Variants in IRS4 observed in about 807,000 individuals in gnomAD.
The protein encoded by IRS4 is 160 kDa phosphotyrosine protein.
In IRS4, 15 loss-of-function variants were observed where a neutral mutation model predicts 48.6. The ratio of observed to expected loss-of-function variants is 0.31; its 90% CI spans 0.21 to 0.48. The LOEUF is 0.48. Ranked by LOEUF, IRS4 falls within the 20% of genes least tolerant of loss-of-function variation. IRS4 has a pLI of 0.99. For synonymous variants in IRS4, 459 were observed against 413.2 expected, an observed-to-expected ratio of 1.11 and a Z score of -1.34; for missense variants, 987 against 1,023.4, an observed-to-expected ratio of 0.96 and a Z score of 0.49.
chrX:108,721,786 G>T lies in IRS4; in HGVS notation c.*733C>A, dbSNP rs777267202. 2 of 112,015 alleles carry T rather than the reference G, an allele frequency of 1.8e-5. No individual in the cohort carries two copies. The highest frequency in any genetic ancestry group is 5.6e-4 in the East Asian group (2 of 3,540). 9.2% of individuals were successfully genotyped at this position (112,015 alleles called of 1,213,427 possible). On this transcript the variant is annotated 3_prime_UTR_variant, in exon 2 of 2. Transcript: ENST00000372129. ...TTTTCAGGCAGAACATCACAGTGTT[G>T]TATGTGAACAAATAGCTGTTTCTCA...
chrX:108,733,092 GGCGTCTTCTCT>G lies in IRS4; in HGVS notation c.3242_3252del (p.Glu1081AlafsTer72). On this transcript the variant is annotated frameshift_variant, in exon 1 of 2. Coordinates refer to ENST00000372129, the MANE Select transcript of IRS4 (RefSeq NM_001379150.1). LOFTEE classifies it high-confidence loss of function. ...AAGAAACTTTGAGAACGGCTTTGTGGGCGTCTTCTCTCCTGCTCTTCTTCCTGCAGCAGCCT... is the reference window on the plus strand; with the variant it reads ...AAGAAACTTTGAGAACGGCTTTGTGGCCTGCTCTTCTTCCTGCAGCAGCCT... 2 of 1,211,808 alleles carry G rather than the reference GGCGTCTTCTCT, an allele frequency of 1.7e-6. No individual in the cohort carries two copies. Among genetic ancestry groups the G allele is most frequent in the Non-Finnish European group, 2.2e-6 (2 of 895,519 alleles).
rs1167357393 is a variant in IRS4, at chrX:108,735,172, G to T, written c.1173C>A (p.Asp391Glu). 1 of 1,211,150 alleles carries T rather than the reference G, an allele frequency of 8.3e-7. No individual in the cohort carries two copies. Among genetic ancestry groups the T allele is most frequent in the Non-Finnish European group, 1.1e-6 (1 of 895,480 alleles). Residue 391 changes from aspartate (D) to glutamate (E), a missense_variant, in exon 1 of 2, where the codon GAC (aspartate) becomes GAA (glutamate). Around this residue, in one of 4 missense-constraint regions of IRS4, gnomAD observed 74 missense variants for 100.4 expected, o/e 0.74. Transcript: ENST00000372129. Reference protein sequence around the residue: ...CHLRAIGDGEDEMLFTRRFVT... With the variant: ...CHLRAIGDGEEEMLFTRRFVT... ...CGAAGCGCCTGGTGAAAAGCATCTCGTCTTCCCCGTCGCCGATGGCCCTGA... is the reference window on the plus strand; with the variant it reads ...CGAAGCGCCTGGTGAAAAGCATCTCTTCTTCCCCGTCGCCGATGGCCCTGA...
chrX:108,731,698 T>C (rs2068902577), intron 1 of IRS4, among the ~76,000 whole-genome samples: 1 of 111,867 alleles, frequency 8.9e-6, no homozygotes, highest in South Asian at 3.7e-4. Context: ...TTCCTTGATT[T>C]CCCATAAGAT....
At chrX:108,730,233 C>T (rs1343835091) in intron 1 of IRS4, among the ~76,000 whole-genome samples, 1 of 110,617 alleles carries the variant, frequency 9.0e-6, no homozygotes, top group Non-Finnish European at 1.9e-5. Context: ...AACATTCTAC[C>T]ATACAATTTA....
chrX:108,723,857 A>G (rs1196552921), intron 1 of IRS4: 1 of 112,612 alleles, frequency 8.9e-6, no homozygotes. Flanking sequence ...GGAAGAAAGG[A>G]GTCTGTGATA....
At position 108,735,717 on chromosome X, in the gene IRS4, C is replaced by G. The variant is rs761694225; in HGVS notation, c.628G>C (p.Gly210Arg). 10 of 1,175,889 alleles carry G rather than the reference C, an allele frequency of 8.5e-6. No individual in the cohort carries two copies. The highest frequency in any genetic ancestry group is 2.3e-5 in the Admixed American group (1 of 42,990). Residue 210 changes from glycine (G) to arginine (R), a missense_variant, in exon 1 of 2, where the codon GGC becomes CGC. Physicochemically the swap from Gly to Arg is moderately radical, Grantham distance 125. Around this residue, in one of 4 missense-constraint regions of IRS4, gnomAD observed 173 missense variants for 208.9 expected, o/e 0.83. Transcript: ENST00000372129. ...GCCGGCTCTCCGTCCGGCTGCGCGC[C>G]GAGCGTGCCGCAGCGGCGGCGCTTG... ...ESKRRRCGTL[G>R]AQPDGEPAAL... is the part of the protein sequence containing the mutation.
intron 1 of IRS4, among the ~76,000 whole-genome samples, chrX:108,728,754 AT>A (rs1484629469): frequency 8.9e-6 from 1 of 111,999 alleles, no homozygotes; most frequent in Non-Finnish European, 1.9e-5. Context: ...CACAGGAATT[AT>A]TTTTTTGTCA....
intron 1 of IRS4, among the ~76,000 whole-genome samples, chrX:108,727,616 C>A (rs189430445): frequency 2.7e-5 from 3 of 112,321 alleles, no homozygotes; most frequent in East Asian, 5.6e-4. Context: ...TCCTCACTAT[C>A]TAAGAGTCTG....
rs780091882 is a variant in IRS4, at chrX:108,720,362, AAATT to A, written c.*2153_*2156del. On this transcript the variant is annotated 3_prime_UTR_variant, in exon 2 of 2. Transcript: ENST00000372129. ...AGATTCTTCCAGCACAATACTGAATAAATTAATTGTCTGTAAACTAATAAATAAT... is the reference window on the plus strand; with the variant it reads ...AGATTCTTCCAGCACAATACTGAATAAATTGTCTGTAAACTAATAAATAAT... The A allele has an allele frequency of 3.6e-5, 4 of 112,591 alleles. No homozygotes were observed. The highest frequency in any genetic ancestry group is 2.8e-4 in the Admixed American group (3 of 10,658). The allele number at this position is 112,591 out of a possible 1,213,427, so 9.3% of individuals were successfully genotyped here. A position where few individuals can be genotyped will look rare whatever the true frequency, so the allele number is the denominator to read the frequency against.
Position 108,736,462 on chromosome X carries a change from C to T in IRS4, c.-118G>A. Reference sequence around the variant, plus strand: ...GCCCCAGCCCCCTCCTGCCTTGGCCCGCGCCCCCGCCCACTCCACTCTGAG... The same window carrying T: ...GCCCCAGCCCCCTCCTGCCTTGGCCTGCGCCCCCGCCCACTCCACTCTGAG... On this transcript the variant is annotated 5_prime_UTR_variant, in exon 1 of 2. Transcript: ENST00000372129. 2 of 1,092,247 alleles carry T rather than the reference C, an allele frequency of 1.8e-6. No homozygotes were observed. Among genetic ancestry groups the T allele is most frequent in the Non-Finnish European group, 2.5e-6 (2 of 813,343 alleles). 90.0% of individuals were successfully genotyped at this position (1,092,247 alleles called of 1,213,427 possible).
intron 1 of IRS4, among the ~76,000 whole-genome samples, chrX:108,729,128 T>C (rs1248280420): frequency 9.0e-6 from 1 of 111,262 alleles, no homozygotes; most frequent in Non-Finnish European, 1.9e-5. Flanking sequence ...AAATTTCTGC[T>C]ATATGGAAAT....
At position 108,734,122 on chromosome X, in the gene IRS4, T is replaced by A. The variant is rs1286111042; in HGVS notation, c.2223A>T (p.Arg741Ser). ...CTCTGGGAAACATCATCATGTACCC[T>A]CTTGAATCTTCAAAAGGGGATCGAG... ...RHSRSPFEDS[R>S]GYMMMFPRVS... Residue 741 changes from arginine to serine, a missense_variant, in exon 1 of 2, where the codon AGA becomes AGT. Coordinates refer to ENST00000372129, the MANE Select transcript of IRS4 (RefSeq NM_001379150.1). 3 of 1,209,401 alleles carry A rather than the reference T, an allele frequency of 2.5e-6. No individual in the cohort carries two copies. The African/African-American group carries it at 5.3e-5, about 21-fold the overall frequency.
At chrX:108,731,223 G>GC (rs1474534726) in intron 1 of IRS4, among the ~76,000 whole-genome samples, 1 of 110,605 alleles carries the variant, frequency 9.0e-6, no homozygotes, top group African/African-American at 3.3e-5. Flanking sequence ...AGGGGATGTG[G>GC]GGGGGCTACA....
In IRS4 at chrX:108,733,207, A is replaced by T; in HGVS notation, c.3138T>A (p.Tyr1046Ter). The change falls in exon 1 of 2, where the codon TAT (tyrosine) becomes TAA (stop). Residue 1046 changes from tyrosine (Y) to a stop codon, truncating the protein, a stop_gained. Transcript: ENST00000372129. LOFTEE classifies it high-confidence loss of function. ...AGCACTCAGAAAATGGGTCGACCAC[A>T]TAGATTCGACCTGTTTCAGCATCAT... The part of the protein sequence containing the change: ...IRYDAETGRI[Y>*]VVDPFSECCM... The T allele has an allele frequency of 8.3e-7, 1 of 1,211,959 alleles. No homozygotes were observed. Among genetic ancestry groups the T allele is most frequent in the Non-Finnish European group, 1.1e-6 (1 of 895,531 alleles).
Position 108,734,227 on chromosome X carries a change from C to G in IRS4, c.2118G>C (p.Gly706=). Reference sequence around the variant, plus strand: ...TGGAGCTTACAAGAGGGGTGGCCACCCCTGGCCTCATTGGCACGTATGGGT... The same window carrying G: ...TGGAGCTTACAAGAGGGGTGGCCACGCCTGGCCTCATTGGCACGTATGGGT... ...EDDPYVPMRP[G]VATPLVSSSD... is the part of the protein sequence containing the mutation. The change falls in exon 1 of 2, where the codon GGG becomes GGC. Residue 706 remains glycine, a synonymous_variant. Coordinates refer to ENST00000372129, the MANE Select transcript of IRS4 (RefSeq NM_001379150.1). 1 of 1,211,196 alleles carries G rather than the reference C, an allele frequency of 8.3e-7. No individual in the cohort carries two copies. The highest frequency in any genetic ancestry group is 1.1e-6 in the Non-Finnish European group (1 of 895,358).
rs1222400671 is a variant in IRS4, at chrX:108,733,495, T to A, written c.2850A>T (p.Glu950Asp). ...AATTAGAAAAGGCTGACTGTCTGGG[T>A]TCAGCAATTATGCCCCACGAATCTG... is the stretch of plus-strand genomic sequence containing the variant. ...GLPDSWGIIAEPRQSAFSNYV... is the reference protein window; with the variant it reads ...GLPDSWGIIADPRQSAFSNYV... The change falls in exon 1 of 2, where the codon GAA (glutamate) becomes GAT (aspartate). Residue 950 changes from glutamate (E) to aspartate (D), a missense_variant. Around this residue, in one of 4 missense-constraint regions of IRS4, gnomAD observed 720 missense variants for 660.3 expected, o/e 1.09. Transcript: ENST00000372129. 1 of 1,211,820 alleles carries A rather than the reference T, an allele frequency of 8.3e-7. No individual in the cohort carries two copies. Among genetic ancestry groups the A allele is most frequent in the African/African-American group, 1.7e-5 (1 of 57,792 alleles).
chrX:108,724,627 G>A (rs746123707), intron 1 of IRS4: 2 of 111,623 alleles, frequency 1.8e-5, no homozygotes, highest in South Asian at 3.7e-4. Context: ...AAAGCAATTC[G>A]AGATTAAAAC....
rs375603032 is a variant in IRS4, at chrX:108,732,936, C to A, written c.3409G>T (p.Ala1137Ser). 10 of 1,185,602 alleles carry A rather than the reference C, an allele frequency of 8.4e-6. No individual in the cohort carries two copies. Among genetic ancestry groups the A allele is most frequent in the Non-Finnish European group, 1.0e-5 (9 of 881,182 alleles). ...TLALSQVVAA[A>S]SALAAAPGIG... ...CCCGGGGCTGCGGCGAGCGCGGAGG[C>A]CGCAGCTACAACTTGGCTGAGGGCT... Residue 1137 changes from alanine to serine, a missense_variant, in exon 1 of 2, where the codon GCC (alanine) becomes TCC (serine). Transcript: ENST00000372129.
In IRS4 at chrX:108,733,019, T is replaced by C; in HGVS notation, c.3326A>G (p.Glu1109Gly). The C allele has an allele frequency of 8.3e-7, 1 of 1,211,249 alleles. No homozygotes were observed. Among genetic ancestry groups the C allele is most frequent in the Non-Finnish European group, 1.1e-6 (1 of 895,194 alleles). Residue 1109 changes from glutamate to glycine, a missense_variant, in exon 1 of 2, where the codon GAG becomes GGG. Glu to Gly is a moderately conservative substitution (Grantham distance 98). This residue lies in a region of IRS4 where 720 missense variants were observed against 660.3 expected (regional missense o/e 1.09). Coordinates refer to ENST00000372129, the MANE Select transcript of IRS4 (RefSeq NM_001379150.1). The stretch of plus-strand genomic sequence containing the variant: ...GGCTGAGGATGGGGAAAGGTCTCTC[T>C]CGAGGCTGTCTGTTGGAAAAGCAGA... ...AVSAFPTDSL[E>G]RDLSPSSAPA...
Sources: allele counts gnomAD v4.1 joint callset (sites outside exome capture counted in the v4.1 genomes callset), GRCh38; gene constraint gnomAD v4.1.1; regional missense constraint gnomAD v4.1.1; transcripts MANE v1.5; gene names NCBI Gene and HGNC (gene_info 2026-07-23, HGNC 2026-07-21).